Variants in INVS observed in about 807,000 individuals in gnomAD.
INVS encodes inversin, also known as inversion of embryo turning homolog.
Under a neutral mutation model 108.8 loss-of-function variants are expected in INVS, and 86 were observed. The ratio of observed to expected loss-of-function variants is 0.79; its 90% CI spans 0.66 to 0.95. INVS has a LOEUF of 0.95. Ranked by LOEUF, INVS falls within the 40% of genes least tolerant of loss-of-function variation. The probability of loss-of-function intolerance (pLI) is 0.00; values close to 1 mark genes in which losing one functional copy is unlikely to be tolerated. For missense variants in INVS, 1,169 were observed against 1,297.4 expected (o/e 0.90, Z 1.52); for synonymous variants, 455 against 473.5 (o/e 0.96, Z 0.51).
chr9:100,161,918 C>A (rs1829203708), intron 3 of INVS, among the ~76,000 whole-genome samples: 1 of 152,120 alleles, frequency 6.6e-6, no homozygotes, highest in Non-Finnish European at 1.5e-5. Flanking sequence ...AGATAATTAT[C>A]AATCCCATTC....
intron 11 of INVS, among the ~76,000 whole-genome samples, chr9:100,267,331 G>GTTATAGATAA (rs1832826932): frequency 1.3e-5 from 2 of 152,150 alleles, no homozygotes; most frequent in Admixed American, 6.5e-5. Flanking sequence ...AGAGACAGTG[G>GTTATAGATAA]CAATAACTCA....
intron 3 of INVS, among the ~76,000 whole-genome samples, chr9:100,127,544 A>T (rs568317927): frequency 6.6e-6 from 1 of 152,250 alleles, no homozygotes; most frequent in Non-Finnish European, 1.5e-5. Context: ...GTATTTTTTG[A>T]ATAAAAAGCA....
chr9:100,234,532 T>C (rs1037912626), intron 5 of INVS, among the ~76,000 whole-genome samples: 20 of 152,340 alleles, frequency 1.3e-4, no homozygotes, highest in Admixed American at 1.3e-3. Flanking sequence ...AACCACTGCT[T>C]TAGCTGTGTC....
Position 100,226,309 on chromosome 9 carries a change from GGAA to G in INVS, c.447+79_447+81del, listed in dbSNP as rs1431154668. ...TTCCTTTTATGATGTGAAATTTCAA[GGAA>G]GAAGGCCTGAATTACCACATATATA... On this transcript the variant is annotated intron_variant, in intron 4 of 16. Coordinates refer to ENST00000262457, the MANE Select transcript of INVS (RefSeq NM_014425.5). 9 of 1,315,912 alleles carry G rather than the reference GGAA, an allele frequency of 6.8e-6. No individual in the cohort carries two copies. In the African/African-American group the frequency reaches 1.2e-4, roughly 17 times the overall value. 81.5% of individuals were successfully genotyped at this position (1,315,912 alleles called of 1,614,324 possible). A position where few individuals can be genotyped will look rare whatever the true frequency, so the allele number is the denominator to read the frequency against.
intron 3 of INVS, among the ~76,000 whole-genome samples, chr9:100,218,209 A>AC (rs1343499614): frequency 6.6e-6 from 1 of 152,194 alleles, no homozygotes; most frequent in Non-Finnish European, 1.5e-5. Flanking sequence ...TATAGTGAAC[A>AC]TTTATATATA....
intron 1 of INVS, 73 bp from the exon 2 acceptor site, chr9:100,104,425 C>T: frequency 1.3e-6 from 1 of 792,250 alleles, no homozygotes; most frequent in South Asian, 1.4e-5. Flanking sequence ...TTATAAAATA[C>T]CCACTTGGAA....
At chr9:100,290,706 T>G (rs1392888489) in intron 13 of INVS, among the ~76,000 whole-genome samples, 3 of 151,660 alleles carry the variant, frequency 2.0e-5, no homozygotes, top group African/African-American at 7.3e-5. Flanking sequence ...TCTTTTGCAC[T>G]TAAGAGTATT....
chr9:100,137,783 T>G (rs1828273741), intron 3 of INVS, among the ~76,000 whole-genome samples: 1 of 152,214 alleles, frequency 6.6e-6, no homozygotes, highest in African/African-American at 2.4e-5. Context: ...TTTGCAAATA[T>G]AGGTACTTTT....
intron 3 of INVS, among the ~76,000 whole-genome samples, chr9:100,207,571 G>A (rs967018682): frequency 6.6e-6 from 1 of 152,126 alleles, no homozygotes; most frequent in Non-Finnish European, 1.5e-5. Context: ...GGGATTATAG[G>A]TGTGACCCAC....
chr9:100,258,168 G>A (rs1832485999), intron 10 of INVS, among the ~76,000 whole-genome samples: 1 of 151,970 alleles, frequency 6.6e-6, no homozygotes, highest in African/African-American at 2.4e-5. Flanking sequence ...TTCAATCACT[G>A]ATACCCTTTC....
intron 10 of INVS, among the ~76,000 whole-genome samples, chr9:100,256,037 C>G (rs1832409660): frequency 6.6e-6 from 1 of 152,168 alleles, no homozygotes; most frequent in South Asian, 2.1e-4. Context: ...GTGAATCCAT[C>G]TGGTCCTGGA....
At chr9:100,223,883 T>G (rs1831223577) in intron 3 of INVS, among the ~76,000 whole-genome samples, 1 of 152,232 alleles carries the variant, frequency 6.6e-6, no homozygotes, top group South Asian at 2.1e-4. Context: ...GGGCAAGCAG[T>G]TAGTTCTCAT....
intron 3 of INVS, among the ~76,000 whole-genome samples, chr9:100,132,254 AATG>A (rs1828076940): frequency 1.3e-5 from 2 of 152,170 alleles, no homozygotes; most frequent in Non-Finnish European, 2.9e-5. Flanking sequence ...TGAATGAATG[AATG>A]AATGAATCAG....
At chr9:100,157,961 C>T (rs1448200741) in intron 3 of INVS, among the ~76,000 whole-genome samples, 1 of 152,156 alleles carries the variant, frequency 6.6e-6, no homozygotes, top group Non-Finnish European at 1.5e-5. Context: ...TTGTTCTCAC[C>T]ACCCATTTGT....
intron 2 of INVS, among the ~76,000 whole-genome samples, chr9:100,107,996 T>C (rs1040983826): frequency 2.0e-5 from 3 of 152,114 alleles, no homozygotes; most frequent in African/African-American, 7.2e-5. Context: ...TGAGTTGAAT[T>C]AAATTGAATT....
At position 100,301,175 on chromosome 9, in the gene INVS, A is replaced by G. The variant is rs1182454025; in HGVS notation, c.*501A>G. 7.4e-5 allele frequency among the ~76,000 whole-genome samples: 4 copies of G among 54,014 alleles called. No individual in the cohort carries two copies. Among genetic ancestry groups the G allele is most frequent in the Non-Finnish European group, 1.2e-4 (4 of 32,470 alleles). 35.4% of individuals were successfully genotyped at this position (54,014 alleles called of 152,430 possible). A position where few individuals can be genotyped will look rare whatever the true frequency, so the allele number is the denominator to read the frequency against. On this transcript the variant is annotated 3_prime_UTR_variant, in exon 17 of 17. Transcript: ENST00000262457. Reference sequence around the variant, plus strand: ...CACACACACACACACACACACACACACACATATCACGTCCCACTATTACTT... The same window carrying G: ...CACACACACACACACACACACACACGCACATATCACGTCCCACTATTACTT...
chr9:100,181,464 A>G (rs1490817290), intron 3 of INVS, among the ~76,000 whole-genome samples: 2 of 152,194 alleles, frequency 1.3e-5, no homozygotes, highest in African/African-American at 4.8e-5. Context: ...AAGCATTCCT[A>G]TACACCAATA....
chr9:100,219,588 A>T (rs1420760583), intron 3 of INVS, among the ~76,000 whole-genome samples: 1 of 152,256 alleles, frequency 6.6e-6, no homozygotes, highest in Admixed American at 6.5e-5. Flanking sequence ...TTAGAGAGCA[A>T]TCTCAAACCA....
chr9:100,191,090 G>A lies in INVS; in HGVS notation c.274-34972G>A, dbSNP rs1157837141. On this transcript the variant is annotated intron_variant, in intron 3 of 16. Coordinates refer to ENST00000262457, the MANE Select transcript of INVS (RefSeq NM_014425.5). Reference sequence around the variant, plus strand: ...TGCCCAAGCTGGTCTCAAACTCCTGGTCTCAAGTAGTCCTCCCACCTCGGC... The same window carrying A: ...TGCCCAAGCTGGTCTCAAACTCCTGATCTCAAGTAGTCCTCCCACCTCGGC... Among the ~76,000 whole-genome samples, 3 of 152,102 alleles carry A rather than the reference G, an allele frequency of 2.0e-5. No homozygotes were observed. In the East Asian group the frequency reaches 5.8e-4, roughly 29 times the overall value.
Sources: gnomAD v4.1 joint callset for allele counts (sites outside exome capture counted in the v4.1 genomes callset) on GRCh38, gnomAD v4.1.1 for gene constraint, MANE v1.5 for transcripts, NCBI Gene and HGNC (gene_info 2026-07-23, HGNC 2026-07-21) for gene names.